ARHGAP22: variants seen among roughly 807,000 people sequenced by gnomAD.
The protein encoded by ARHGAP22 is Rho GTPase activating protein 22.
Under a neutral mutation model 59.1 loss-of-function variants are expected in ARHGAP22, and 48 were observed. The ratio of observed to expected loss-of-function variants is 0.81; its 90% CI spans 0.64 to 1.03. The LOEUF (loss-of-function observed/expected upper bound fraction) is 1.03, where lower values mean the gene tolerates loss of function less well. Among genes scored for constraint, ARHGAP22 ranks in the 50% least tolerant of loss-of-function variants. The pLI is 0.00. For synonymous variants in ARHGAP22, 445 were observed against 416.4 expected, an observed-to-expected ratio of 1.07 and a Z score of -0.84; for missense variants, 1,015 against 958.7, an observed-to-expected ratio of 1.06 and a Z score of -0.78.
At chr10:48,574,363 G>A (rs1039224413) in intron 2 of ARHGAP22, among the ~76,000 whole-genome samples, 1 of 152,160 alleles carries the variant, frequency 6.6e-6, no homozygotes, top group Non-Finnish European at 1.5e-5. Context: ...ACCTGAATGA[G>A]GTTTATGATA....
intron 3 of ARHGAP22, among the ~76,000 whole-genome samples, chr10:48,514,449 G>A (rs2053095751): frequency 6.6e-6 from 1 of 152,038 alleles, no homozygotes; most frequent in African/African-American, 2.4e-5. Context: ...TCAAAATACT[G>A]AAAGAGAAAA....
chr10:48,531,040 G>A (rs1374776289), intron 3 of ARHGAP22, among the ~76,000 whole-genome samples: 3 of 152,134 alleles, frequency 2.0e-5, no homozygotes, highest in Non-Finnish European at 4.4e-5. Context: ...ATAAATCAAA[G>A]AGTGGATAAA....
chr10:48,647,054 G>A (rs2062333949), intron 1 of ARHGAP22, among the ~76,000 whole-genome samples: 1 of 152,128 alleles, frequency 6.6e-6, no homozygotes, highest in African/African-American at 2.4e-5. Flanking sequence ...CAGACAACCT[G>A]ATTTAAAAAT....
chr10:48,466,142 C>T (rs2047645711), intron 4 of ARHGAP22, among the ~76,000 whole-genome samples: 1 of 152,114 alleles, frequency 6.6e-6, no homozygotes, highest in African/African-American at 2.4e-5. Flanking sequence ...ATTCCCTCCT[C>T]CTGGGGCCGC....
intron 4 of ARHGAP22, among the ~76,000 whole-genome samples, chr10:48,475,998 A>C (rs994848710): frequency 2.0e-5 from 3 of 151,972 alleles, no homozygotes; most frequent in African/African-American, 7.3e-5. Context: ...CCTTCTACTC[A>C]AAAGTCACCA....
At chr10:48,626,865 G>C (rs764966107) in intron 1 of ARHGAP22, among the ~76,000 whole-genome samples, 10 of 152,194 alleles carry the variant, frequency 6.6e-5, no homozygotes, top group Non-Finnish European at 1.2e-4. Flanking sequence ...GTGGGAGAGT[G>C]GGAACTGGCT....
At chr10:48,457,919 G>T (rs1475658467) in intron 5 of ARHGAP22, among the ~76,000 whole-genome samples, 1 of 145,598 alleles carries the variant, frequency 6.9e-6, no homozygotes, top group Non-Finnish European at 1.5e-5. Flanking sequence ...GAGACCCTCT[G>T]TTGGGGGTGG....
At chr10:48,471,485 C>A (rs772197735) in intron 4 of ARHGAP22, among the ~76,000 whole-genome samples, 2 of 152,216 alleles carry the variant, frequency 1.3e-5, no homozygotes, top group African/African-American at 2.4e-5. Context: ...TCCAACTGCC[C>A]GCTCAGCATC....
chr10:48,505,689 A>AT (rs1382725299), intron 3 of ARHGAP22, among the ~76,000 whole-genome samples: 1 of 151,784 alleles, frequency 6.6e-6, no homozygotes, highest in Non-Finnish European at 1.5e-5. Context: ...CCCTGGGAGG[A>AT]TTTTTGCCTC....
At chr10:48,640,361 T>C (rs573526460) in intron 1 of ARHGAP22, among the ~76,000 whole-genome samples, 82 of 152,324 alleles carry the variant, frequency 5.4e-4, no homozygotes, top group African/African-American at 1.9e-3. Flanking sequence ...AAAAACATTA[T>C]TTTTCATGTA....
At chr10:48,535,818 AG>A in intron 3 of ARHGAP22, among the ~76,000 whole-genome samples, 1 of 152,172 alleles carries the variant, frequency 6.6e-6, no homozygotes, top group Non-Finnish European at 1.5e-5. Flanking sequence ...GAAGGCCCTG[AG>A]GGTTGTCAGC....
intron 3 of ARHGAP22, among the ~76,000 whole-genome samples, chr10:48,528,622 G>A (rs1272821523): frequency 6.6e-6 from 1 of 152,160 alleles, no homozygotes; most frequent in Non-Finnish European, 1.5e-5. Context: ...GTAGACGTGT[G>A]TCCCCTCCAA....
At chr10:48,627,970 T>C (rs1416504033) in intron 1 of ARHGAP22, among the ~76,000 whole-genome samples, 1 of 152,242 alleles carries the variant, frequency 6.6e-6, no homozygotes, top group African/African-American at 2.4e-5. Context: ...CAAGAGTTGC[T>C]TGAAGTATCA....
intron 6 of ARHGAP22, 36 bp from the exon 7 acceptor site, chr10:48,454,197 A>T: frequency 1.3e-5 from 19 of 1,516,624 alleles, no homozygotes; most frequent in Non-Finnish European, 1.6e-5. Flanking sequence ...AACACCGGCA[A>T]TGAGGGCCCT....
At chr10:48,615,709 T>C (rs1243671472) in intron 1 of ARHGAP22, among the ~76,000 whole-genome samples, 1 of 152,134 alleles carries the variant, frequency 6.6e-6, no homozygotes, top group African/African-American at 2.4e-5. Context: ...TAAAATATAT[T>C]TAAAGGTTTA....
intron 1 of ARHGAP22, among the ~76,000 whole-genome samples, chr10:48,587,335 G>A (rs187970049): frequency 1.8e-3 from 273 of 152,364 alleles, no homozygotes; most frequent in African/African-American, 6.0e-3. Flanking sequence ...CTCGAGAGGA[G>A]TCTGGCAGGG....
At chr10:48,614,756 A>G (rs3844492) in intron 1 of ARHGAP22, among the ~76,000 whole-genome samples, 56,887 of 152,010 alleles carry the variant, frequency 0.37, 11,564 homozygotes, top group African/African-American at 0.55. Flanking sequence ...CAGCTCTCCA[A>G]TAAGCAAGAG....
chr10:48,482,129 A>AT (rs1554867299), intron 3 of ARHGAP22, among the ~76,000 whole-genome samples: 1 of 151,956 alleles, frequency 6.6e-6, no homozygotes, highest in Non-Finnish European at 1.5e-5. Context: ...CCAATTAATC[A>AT]TTTTTTTCGT....
intron 5 of ARHGAP22, 130 bp from the exon 6 acceptor site, chr10:48,455,264 T>G: frequency 8.9e-7 from 1 of 1,124,544 alleles, no homozygotes; most frequent in Non-Finnish European, 1.2e-6. Context: ...GGGGGCTGCA[T>G]CTGCGGCCAG....
Sources: allele counts gnomAD v4.1 joint callset (sites outside exome capture counted in the v4.1 genomes callset), GRCh38; gene constraint gnomAD v4.1.1; transcripts MANE v1.5; gene names NCBI Gene and HGNC (gene_info 2026-07-23, HGNC 2026-07-21).